The following GPHN variants were observed in gnomAD, a reference collection of about 807,000 sequenced individuals.
The protein encoded by GPHN is gephyrin.
A neutral mutation model predicts 95.5 loss-of-function variants in GPHN; 17 were observed. That is an observed-to-expected ratio of 0.18 (90% confidence interval 0.12 to 0.27). The LOEUF (loss-of-function observed/expected upper bound fraction) is 0.27, where lower values mean the gene tolerates loss of function less well. GPHN is among the 10% of genes least tolerant of loss of function. The probability of loss-of-function intolerance (pLI) is 1.00; values close to 1 mark genes in which losing one functional copy is unlikely to be tolerated. For synonymous variants in GPHN, 320 were observed against 322.5 expected, an observed-to-expected ratio of 0.99 and a Z score of 0.08; for missense variants, 660 against 978.1, an observed-to-expected ratio of 0.67 and a Z score of 4.34.
At chr14:67,094,302 A>G (rs2077260537) in intron 12 of GPHN, among the ~76,000 whole-genome samples, 1 of 152,170 alleles carries the variant, frequency 6.6e-6, no homozygotes, top group South Asian at 2.1e-4. Context: ...TGTTTTCTGG[A>G]TATTAGAAAA....
chr14:66,735,322 G>A (rs1214663025), intron 2 of GPHN, among the ~76,000 whole-genome samples: 2 of 152,058 alleles, frequency 1.3e-5, no homozygotes, highest in Non-Finnish European at 2.9e-5. Context: ...ATGAAGCTGG[G>A]TTTTGCACAG....
At chr14:67,707,930 T>C in the GPHN span, among the ~76,000 whole-genome samples, 1 of 152,152 alleles carries the variant, frequency 6.6e-6, no homozygotes, top group Admixed American at 6.5e-5. Flanking sequence ...GCTATCTTGG[T>C]TCCAGAAGTC....
chr14:66,876,276 A>G (rs949176507), intron 4 of GPHN, among the ~76,000 whole-genome samples: 7 of 152,206 alleles, frequency 4.6e-5, no homozygotes, highest in Non-Finnish European at 7.3e-5. Flanking sequence ...TCATAGCACT[A>G]AATGCCCACA....
intron 11 of GPHN, among the ~76,000 whole-genome samples, chr14:67,073,976 A>T (rs2076403677): frequency 6.6e-6 from 1 of 152,166 alleles, no homozygotes; most frequent in African/African-American, 2.4e-5. Flanking sequence ...GAATATATAA[A>T]GCCTGTAATA....
At chr14:66,777,368 A>T (rs1383752600) in intron 3 of GPHN, among the ~76,000 whole-genome samples, 3 of 152,188 alleles carry the variant, frequency 2.0e-5, no homozygotes, top group African/African-American at 7.2e-5. Flanking sequence ...GACCAGATGG[A>T]TTCACAGCTG....
chr14:67,468,652 G>T, the GPHN span, among the ~76,000 whole-genome samples: 1 of 152,158 alleles, frequency 6.6e-6, no homozygotes, highest in Non-Finnish European at 1.5e-5. Context: ...CTGGCACTTT[G>T]GGAGGCCGAG....
At chr14:66,557,250 T>TAGATAGAA (rs1218539768) in intron 1 of GPHN, among the ~76,000 whole-genome samples, 1 of 144,226 alleles carries the variant, frequency 6.9e-6, no homozygotes, top group African/African-American at 2.6e-5. Flanking sequence ...GATAGATAGA[T>TAGATAGAA]AGATAGATAG....
At chr14:66,664,243 A>T (rs1167354800) in intron 1 of GPHN, among the ~76,000 whole-genome samples, 1 of 152,184 alleles carries the variant, frequency 6.6e-6, no homozygotes, top group Admixed American at 6.5e-5. Flanking sequence ...AACACTGCTC[A>T]GCTCAGCAAA....
rs1199608337 is a variant in GPHN, at chr14:67,100,850, TCA to T, written c.1238-3_1238-2del. 6.3e-7 allele frequency: 1 copy of T among 1,596,712 alleles called. No homozygotes were observed. The highest frequency in any genetic ancestry group is 1.7e-5 in the Admixed American group (1 of 60,002). On this transcript the variant is annotated splice_region_variant and splice_polypyrimidine_tract_variant and intron_variant, in intron 12 of 22. Transcript: ENST00000478722. ...TGTTTGTTCTTGGCTCTGTTCCATC[TCA>T]CAGCTGCTGATGGCCCAGGAGATCG...
At chr14:66,972,484 A>G (rs1018579411) in intron 9 of GPHN, among the ~76,000 whole-genome samples, 8 of 151,932 alleles carry the variant, frequency 5.3e-5, no homozygotes, top group Non-Finnish European at 1.0e-4. Flanking sequence ...TATTCAGCTT[A>G]CAACTCAAAC....
chr14:66,771,629 G>T (rs1328105081), intron 2 of GPHN, among the ~76,000 whole-genome samples: 1 of 151,942 alleles, frequency 6.6e-6, no homozygotes, highest in Non-Finnish European at 1.5e-5. Flanking sequence ...CATTGTGCAG[G>T]TTAGTTACAT....
intron 12 of GPHN, among the ~76,000 whole-genome samples, chr14:67,099,506 A>T (rs1396608817): frequency 6.6e-6 from 1 of 151,904 alleles, no homozygotes; most frequent in East Asian, 1.9e-4. Context: ...ACTCTTCTAT[A>T]ATACTTTTTA....
the GPHN span, among the ~76,000 whole-genome samples, chr14:67,675,866 C>T: frequency 1.3e-5 from 2 of 151,750 alleles, no homozygotes; most frequent in African/African-American, 4.8e-5. Context: ...GAGGCCGAGG[C>T]GGGCGGATCA....
At chr14:67,144,286 T>TATATATATACAC (rs1421893686) in intron 18 of GPHN, among the ~76,000 whole-genome samples, 2 of 78,124 alleles carry the variant, frequency 2.6e-5, no homozygotes, top group African/African-American at 1.3e-4. Flanking sequence ...TATATATATA[T>TATATATATACAC]ACACACACAC....
intron 4 of GPHN, among the ~76,000 whole-genome samples, chr14:66,839,461 C>T (rs2153506599): frequency 6.6e-6 from 1 of 152,226 alleles, no homozygotes; most frequent in African/African-American, 2.4e-5. Flanking sequence ...CAGGCTAAAC[C>T]TTTATGGAAA....
the GPHN span, among the ~76,000 whole-genome samples, chr14:67,224,192 A>G: frequency 6.6e-6 from 1 of 151,896 alleles, no homozygotes; most frequent in African/African-American, 2.4e-5. Context: ...TTTTATGACA[A>G]CTTTATGCAT....
At chr14:67,009,930 T>C (rs2072871452) in intron 9 of GPHN, among the ~76,000 whole-genome samples, 1 of 151,892 alleles carries the variant, frequency 6.6e-6, no homozygotes, top group Admixed American at 6.6e-5. Context: ...GGCTAATTTT[T>C]GTATTTTTAG....
chr14:67,134,979 T>G (rs2079978340), intron 17 of GPHN, among the ~76,000 whole-genome samples: 1 of 138,048 alleles, frequency 7.2e-6, no homozygotes, highest in Non-Finnish European at 1.6e-5. Flanking sequence ...TTTTTTTTTT[T>G]GACAGAGTCT....
chr14:67,119,743 T>TCACGC (rs2078904498), intron 16 of GPHN, among the ~76,000 whole-genome samples: 1 of 152,016 alleles, frequency 6.6e-6, no homozygotes, highest in South Asian at 2.1e-4. Flanking sequence ...TGAGCCGAGA[T>TCACGC]CACGCCATTG....
Sources: gnomAD v4.1 joint callset for allele counts (sites outside exome capture counted in the v4.1 genomes callset) on GRCh38, gnomAD v4.1.1 for gene constraint, MANE v1.5 for transcripts, NCBI Gene and HGNC (gene_info 2026-07-23, HGNC 2026-07-21) for gene names.